Variants in CNBD1 observed in about 807,000 individuals in gnomAD.
CNBD1 encodes the protein cyclic nucleotide-binding domain-containing protein 1.
In CNBD1, 71 loss-of-function variants were observed where a neutral mutation model predicts 54.4. The observed-to-expected ratio is 1.30, with a 90% CI of 1.08 to 1.59. The LOEUF (loss-of-function observed/expected upper bound fraction) is 1.59. CNBD1 is among the 40% of genes most tolerant of loss of function. The pLI is 0.00. For missense variants in CNBD1, 659 were observed against 518.0 expected (o/e 1.27, Z -2.64); for synonymous variants, 182 against 170.7 (o/e 1.07, Z -0.51).
intron 4 of CNBD1, among the ~76,000 whole-genome samples, chr8:87,180,642 T>C (rs2130777019): frequency 6.6e-6 from 1 of 152,256 alleles, no homozygotes; most frequent in African/African-American, 2.4e-5. Flanking sequence ...TTTAATCACA[T>C]ATTTGATAAT....
At chr8:87,004,495 CCTTA>C (rs66845012) in intron 4 of CNBD1, among the ~76,000 whole-genome samples, 40,597 of 151,322 alleles carry the variant, frequency 0.27, 5,655 homozygotes, top group South Asian at 0.39. Flanking sequence ...GCACTCACAC[CCTTA>C]CTTTGTCCTA....
chr8:87,314,252 G>T (rs1406703520), intron 8 of CNBD1, among the ~76,000 whole-genome samples: 1 of 151,556 alleles, frequency 6.6e-6, no homozygotes, highest in African/African-American at 2.4e-5. Context: ...GCACTTTAAA[G>T]AATGGCACAC....
intron 4 of CNBD1, among the ~76,000 whole-genome samples, chr8:87,060,103 T>C (rs1205037571): frequency 1.3e-5 from 2 of 152,168 alleles, no homozygotes; most frequent in East Asian, 3.9e-4. Flanking sequence ...AAAACAAGTT[T>C]TGCTGACAAC....
At chr8:87,314,171 T>A (rs868251306) in intron 8 of CNBD1, among the ~76,000 whole-genome samples, 2 of 151,966 alleles carry the variant, frequency 1.3e-5, no homozygotes, top group Non-Finnish European at 2.9e-5. Flanking sequence ...AAAAAAAGAT[T>A]ATTTATGGAT....
intron 6 of CNBD1, among the ~76,000 whole-genome samples, chr8:87,255,994 TATATATATATATATATATATA>T (rs1563525980): frequency 1.2e-3 from 17 of 14,010 alleles, no homozygotes; most frequent in African/African-American, 3.1e-3. Context: ...TATATATATA[TATATATATATATATATATATA>T]TTTTTTTTTT....
intron 4 of CNBD1, among the ~76,000 whole-genome samples, chr8:86,970,593 C>T (rs1211560871): frequency 6.6e-6 from 1 of 150,500 alleles, no homozygotes; most frequent in African/African-American, 2.4e-5. Flanking sequence ...GTTTTCAACC[C>T]TTCCCCTCTT....
intron 4 of CNBD1, among the ~76,000 whole-genome samples, chr8:87,012,308 A>G (rs1417214484): frequency 6.6e-6 from 1 of 152,200 alleles, no homozygotes; most frequent in African/African-American, 2.4e-5. Flanking sequence ...TATCTTACCC[A>G]AATTCCTGCC....
chr8:86,899,594 A>G (rs911877343), intron 2 of CNBD1, among the ~76,000 whole-genome samples: 1 of 152,214 alleles, frequency 6.6e-6, no homozygotes, highest in South Asian at 2.1e-4. Context: ...TTTCATAAAG[A>G]TTTTATATAT....
intron 2 of CNBD1, among the ~76,000 whole-genome samples, chr8:87,423,087 G>T (rs1319097299): frequency 1.3e-5 from 2 of 152,012 alleles, no homozygotes; most frequent in East Asian, 1.9e-4. Context: ...TCTGTTGTTG[G>T]TGTATAGGAA....
chr8:86,866,864 A>T (rs185771224), intron 1 of CNBD1, among the ~76,000 whole-genome samples: 70 of 152,302 alleles, frequency 4.6e-4, no homozygotes, highest in Non-Finnish European at 9.0e-4. Context: ...GATGAAAGAA[A>T]ACAAAGATTT....
At chr8:87,146,874 G>A (rs922728597) in intron 4 of CNBD1, among the ~76,000 whole-genome samples, 1 of 151,958 alleles carries the variant, frequency 6.6e-6, no homozygotes, top group Non-Finnish European at 1.5e-5. Flanking sequence ...TTTAACCAAG[G>A]TATGTGTATA....
At chr8:86,998,684 G>A (rs1388545106) in intron 4 of CNBD1, among the ~76,000 whole-genome samples, 2 of 152,092 alleles carry the variant, frequency 1.3e-5, no homozygotes, top group Non-Finnish European at 2.9e-5. Flanking sequence ...TATATCACTG[G>A]CCCCATGTTT....
chr8:86,985,524 T>C (rs1261269777), intron 4 of CNBD1, among the ~76,000 whole-genome samples: 13 of 152,242 alleles, frequency 8.5e-5, no homozygotes, highest in Non-Finnish European at 1.9e-4. Flanking sequence ...CTTAGGATTA[T>C]GGGCTCAAGC....
chr8:87,174,646 T>C (rs967300463), intron 4 of CNBD1, among the ~76,000 whole-genome samples: 1 of 152,190 alleles, frequency 6.6e-6, no homozygotes, highest in Non-Finnish European at 1.5e-5. Flanking sequence ...TATTTGTTGG[T>C]GTCTGGGCAT....
intron 4 of CNBD1, among the ~76,000 whole-genome samples, chr8:87,152,300 G>A (rs1023361740): frequency 2.6e-5 from 4 of 151,952 alleles, no homozygotes; most frequent in Non-Finnish European, 4.4e-5. Flanking sequence ...ATTTTGGAAC[G>A]AATGATAACC....
intron 10 of CNBD1, among the ~76,000 whole-genome samples, chr8:87,368,346 A>T (rs967872495): frequency 2.0e-5 from 3 of 152,014 alleles, no homozygotes; most frequent in African/African-American, 4.8e-5. Flanking sequence ...GTAATTAATA[A>T]AAAAGTAGAT....
chr8:86,962,860 G>A (rs1197290684), intron 4 of CNBD1, among the ~76,000 whole-genome samples: 7 of 152,100 alleles, frequency 4.6e-5, no homozygotes, highest in African/African-American at 1.7e-4. Context: ...CCTTTTGCTG[G>A]CATGTCAGGC....
chr8:87,257,240 G>A (rs1368420104), intron 6 of CNBD1, among the ~76,000 whole-genome samples: 2 of 151,786 alleles, frequency 1.3e-5, no homozygotes, highest in Non-Finnish European at 2.9e-5. Context: ...GTGGTAGCAG[G>A]CACCTGTAAT....
rs143755825 is a variant in CNBD1, at chr8:87,078,979, C to T, written c.432-127014C>T. 2.9e-3 allele frequency among the ~76,000 whole-genome samples: 441 copies of T among 152,158 alleles called. 3 individuals carry two copies. The highest frequency in any genetic ancestry group is 9.9e-3 in the African/African-American group (411 of 41,550). Reference sequence around the variant, plus strand: ...CAATATTAGACAAAACTGTGTTACTCCCAAAAAGTTTCATTATGCCCATAG... The same window carrying T: ...CAATATTAGACAAAACTGTGTTACTTCCAAAAAGTTTCATTATGCCCATAG... On this transcript the variant is annotated intron_variant, in intron 4 of 10. Transcript: ENST00000518476.
Sources: allele counts gnomAD v4.1 joint callset (sites outside exome capture counted in the v4.1 genomes callset), GRCh38; gene constraint gnomAD v4.1.1; transcripts MANE v1.5; gene names NCBI Gene and HGNC (gene_info 2026-07-23, HGNC 2026-07-21).